The following LHFPL3 variants were observed in gnomAD, a reference collection of about 807,000 sequenced individuals.
The protein encoded by LHFPL3 is LHFPL tetraspan subfamily member 3.
A neutral mutation model predicts 19.3 loss-of-function variants in LHFPL3; 5 were observed. The ratio of observed to expected loss-of-function variants is 0.26; its 90% CI spans 0.14 to 0.54. The LOEUF (loss-of-function observed/expected upper bound fraction) is 0.54, where lower values mean the gene tolerates loss of function less well. LHFPL3 is among the 20% of genes least tolerant of loss of function. The probability of loss-of-function intolerance (pLI) is 0.94; values close to 1 mark genes in which losing one functional copy is unlikely to be tolerated. For synonymous variants in LHFPL3, 133 were observed against 126.2 expected (o/e 1.05, Z -0.36); for missense variants, 249 against 307.4 (o/e 0.81, Z 1.42).
In LHFPL3 at chr7:104,329,106, C is replaced by T; in HGVS notation, c.327C>T (p.Ser109=). 4 of 1,614,100 alleles carry T rather than the reference C, an allele frequency of 2.5e-6. No homozygotes were observed. Among genetic ancestry groups the T allele is most frequent in the Non-Finnish European group, 3.4e-6 (4 of 1,179,902 alleles). ...CCTCGGGCGCCTTCAAAGCCGCCTC[C>T]TTCTTTATCGGCCTCTCCATGATGC... ...TLPSGAFKAA[S]FFIGLSMMLI... Residue 109 remains serine (S), a synonymous_variant, in exon 1 of 3, where the codon TCC becomes TCT. Transcript: ENST00000424859.
At chr7:104,905,027 C>T (rs1792569098) in intron 2 of LHFPL3, among the ~76,000 whole-genome samples, 2 of 152,222 alleles carry the variant, frequency 1.3e-5, no homozygotes, top group African/African-American at 2.4e-5. Flanking sequence ...GCGATCTTTG[C>T]TCACCACAAC....
chr7:104,834,647 A>C (rs1584565108), intron 2 of LHFPL3, among the ~76,000 whole-genome samples: 2 of 152,154 alleles, frequency 1.3e-5, no homozygotes, highest in South Asian at 2.1e-4. Context: ...GAAGGAAGAC[A>C]TACGCCCAAA....
At chr7:104,398,723 A>G (rs1429873179) in intron 1 of LHFPL3, among the ~76,000 whole-genome samples, 1 of 152,030 alleles carries the variant, frequency 6.6e-6, no homozygotes, top group East Asian at 1.9e-4. Flanking sequence ...TCACCTTATT[A>G]TGGTTTAGCA....
At chr7:104,859,318 C>A (rs1293563396) in intron 2 of LHFPL3, among the ~76,000 whole-genome samples, 1 of 151,152 alleles carries the variant, frequency 6.6e-6, no homozygotes, top group Non-Finnish European at 1.5e-5. Flanking sequence ...TCTATTACCA[C>A]CCTACCTAGT....
intron 1 of LHFPL3, among the ~76,000 whole-genome samples, chr7:104,513,429 A>AT (rs1247063665): frequency 6.6e-6 from 1 of 152,218 alleles, no homozygotes; most frequent in Admixed American, 6.5e-5. Context: ...ACATTATTAA[A>AT]TTAACTACAG....
intron 1 of LHFPL3, among the ~76,000 whole-genome samples, chr7:104,369,129 A>G (rs1330671863): frequency 2.0e-5 from 3 of 152,224 alleles, no homozygotes; most frequent in Non-Finnish European, 2.9e-5. Context: ...GTAAATTTAT[A>G]GAGTTGTAAT....
At chr7:104,593,636 G>T (rs1416339104) in intron 1 of LHFPL3, among the ~76,000 whole-genome samples, 1 of 152,126 alleles carries the variant, frequency 6.6e-6, no homozygotes, top group Non-Finnish European at 1.5e-5. Context: ...GTTGACAGTG[G>T]GGTGTTAAAG....
intron 1 of LHFPL3, among the ~76,000 whole-genome samples, chr7:104,701,258 A>G (rs1430058006): frequency 5.3e-5 from 8 of 152,038 alleles, no homozygotes; most frequent in Non-Finnish European, 8.8e-5. Context: ...TTTTCTCTCT[A>G]GAAGCTGTTA....
intron 2 of LHFPL3, among the ~76,000 whole-genome samples, chr7:104,870,005 G>A (rs540501514): frequency 0.011 from 1,698 of 151,342 alleles, 27 homozygotes; most frequent in African/African-American, 0.038. Context: ...AAAACCAAAC[G>A]CCGCATGTTC....
rs571988549 is a variant in LHFPL3 at position 104,595,063 on chromosome 7, G to A, written c.446-141612G>A. Among the ~76,000 whole-genome samples the A allele has an allele frequency of 1.8e-3, 270 of 152,242 alleles. 2 individuals carry two copies. Among genetic ancestry groups the A allele is most frequent in the African/African-American group, 5.2e-3 (217 of 41,552 alleles). ...TGTCAACTTCTCAAAGTCATTCTCCGTCTAGCTTTGTTCCGTTGCTGGCAA... is the reference window on the plus strand; with the variant it reads ...TGTCAACTTCTCAAAGTCATTCTCCATCTAGCTTTGTTCCGTTGCTGGCAA... On this transcript the variant is annotated intron_variant, in intron 1 of 2. Transcript: ENST00000424859.
At chr7:104,637,541 T>G (rs1419252008) in intron 1 of LHFPL3, among the ~76,000 whole-genome samples, 1 of 152,238 alleles carries the variant, frequency 6.6e-6, no homozygotes, top group Non-Finnish European at 1.5e-5. Context: ...TTAATCCATC[T>G]TGTGTTGATT....
chr7:104,416,308 A>G (rs572196999), intron 1 of LHFPL3, among the ~76,000 whole-genome samples: 1 of 152,310 alleles, frequency 6.6e-6, no homozygotes, highest in East Asian at 1.9e-4. Flanking sequence ...ACATGGCCCT[A>G]CTACACCTTG....
chr7:104,348,700 A>G (rs1402117821), intron 1 of LHFPL3, among the ~76,000 whole-genome samples: 1 of 152,212 alleles, frequency 6.6e-6, no homozygotes. Context: ...TTTTGTTCTC[A>G]GGCTTCAGGG....
chr7:104,780,974 G>A (rs893224042), intron 2 of LHFPL3, among the ~76,000 whole-genome samples: 15 of 152,034 alleles, frequency 9.9e-5, no homozygotes, highest in African/African-American at 2.7e-4. Context: ...ACTTCAACCC[G>A]TTCTTTGCCA....
intron 1 of LHFPL3, among the ~76,000 whole-genome samples, chr7:104,724,814 G>A (rs1428552360): frequency 6.6e-6 from 1 of 152,128 alleles, no homozygotes; most frequent in Non-Finnish European, 1.5e-5. Flanking sequence ...ACAAGAAGTG[G>A]ATGGAGAACC....
chr7:104,898,287 G>C (rs1354053168), intron 2 of LHFPL3, among the ~76,000 whole-genome samples: 1 of 151,962 alleles, frequency 6.6e-6, no homozygotes, highest in Non-Finnish European at 1.5e-5. Context: ...GATTACAAGT[G>C]TAAGCCACTG....
chr7:104,697,041 C>A (rs1793010162), intron 1 of LHFPL3, among the ~76,000 whole-genome samples: 1 of 152,114 alleles, frequency 6.6e-6, no homozygotes, highest in South Asian at 2.1e-4. Flanking sequence ...CTTCTTGTGT[C>A]CTTACATGGT....
chr7:104,801,200 G>A (rs1459565612), intron 2 of LHFPL3, among the ~76,000 whole-genome samples: 1 of 152,146 alleles, frequency 6.6e-6, no homozygotes, highest in Admixed American at 6.5e-5. Flanking sequence ...TGGCTGAAAT[G>A]GTGCACAGAA....
chr7:104,481,858 T>C (rs1353249188), intron 1 of LHFPL3, among the ~76,000 whole-genome samples: 1 of 152,190 alleles, frequency 6.6e-6, no homozygotes, highest in African/African-American at 2.4e-5. Flanking sequence ...AAGAAGTAGG[T>C]GACTGAAGTA....
Sources: gnomAD v4.1 joint callset for allele counts (sites outside exome capture counted in the v4.1 genomes callset) on GRCh38, gnomAD v4.1.1 for gene constraint, MANE v1.5 for transcripts, NCBI Gene and HGNC (gene_info 2026-07-23, HGNC 2026-07-21) for gene names.